Variants in SPIRE1 observed in about 807,000 individuals in gnomAD.
SPIRE1 encodes protein spire homolog 1.
SPIRE1 carries 40 observed loss-of-function variants against 94.1 expected under a neutral mutation model. That is an observed-to-expected ratio of 0.43 (90% CI 0.33 to 0.55). The LOEUF (loss-of-function observed/expected upper bound fraction) is 0.55, where lower values mean the gene tolerates loss of function less well. Among genes scored for constraint, SPIRE1 ranks in the 20% least tolerant of loss-of-function variants. The pLI is 0.06. For missense variants in SPIRE1, 838 were observed against 975.2 expected, an observed-to-expected ratio of 0.86 and a Z score of 1.87; for synonymous variants, 376 against 371.7, an observed-to-expected ratio of 1.01 and a Z score of -0.13.
intron 3 of SPIRE1, among the ~76,000 whole-genome samples, chr18:12,536,093 G>C (rs890153156): frequency 6.6e-6 from 1 of 152,134 alleles, no homozygotes; most frequent in African/African-American, 2.4e-5. Context: ...TACGGGAAAA[G>C]TGGTCCACTA....
At chr18:12,661,048 C>T (rs2038687098), upstream of SPIRE1, among the ~76,000 whole-genome samples, 1 of 152,236 alleles carries the variant, frequency 6.6e-6, no homozygotes, top group South Asian at 2.1e-4. Flanking sequence ...TGGCTCACGC[C>T]TGTAATCCCA....
chr18:12,661,597 C>T (rs2038695944), upstream of SPIRE1, among the ~76,000 whole-genome samples: 1 of 151,886 alleles, frequency 6.6e-6, no homozygotes, highest in African/African-American at 2.4e-5. Flanking sequence ...CATGGTGAAA[C>T]CTCGTCTCTA....
intron 10 of SPIRE1, among the ~76,000 whole-genome samples, chr18:12,468,618 T>C (rs1293218486): frequency 6.6e-6 from 1 of 152,238 alleles, no homozygotes; most frequent in Non-Finnish European, 1.5e-5. Flanking sequence ...GGCTTCACTA[T>C]GCCCAAATGA....
At chr18:12,509,887 T>C (rs1785350) in intron 5 of SPIRE1, among the ~76,000 whole-genome samples, 114,999 of 151,590 alleles carry the variant, frequency 0.76, 44,074 homozygotes, top group African/African-American at 0.88. Context: ...GAGTACGAGA[T>C]CAGCCTGACC....
intron 5 of SPIRE1, among the ~76,000 whole-genome samples, chr18:12,508,239 T>TA (rs2033905916): frequency 1.3e-5 from 2 of 152,210 alleles, no homozygotes; most frequent in South Asian, 4.1e-4. Flanking sequence ...AAGAATCTTC[T>TA]ATGTAAAATA....
At chr18:12,636,948 G>T (rs1475460963) in intron 1 of SPIRE1, among the ~76,000 whole-genome samples, 2 of 152,156 alleles carry the variant, frequency 1.3e-5, no homozygotes, top group African/African-American at 2.4e-5. Flanking sequence ...CTCAAGGAAG[G>T]GTACAGACTG....
chr18:12,611,257 T>C (rs1342231100), intron 2 of SPIRE1, among the ~76,000 whole-genome samples: 1 of 152,206 alleles, frequency 6.6e-6, no homozygotes, highest in Non-Finnish European at 1.5e-5. Flanking sequence ...TTCAGGTTCT[T>C]ATGCAGTCCC....
intron 10 of SPIRE1, among the ~76,000 whole-genome samples, chr18:12,476,369 T>C (rs574029442): frequency 4.1e-4 from 62 of 151,386 alleles, no homozygotes; most frequent in African/African-American, 1.4e-3. Context: ...TGAAACCCCA[T>C]CTCTAATAAA....
chr18:12,559,741 T>C lies in SPIRE1; in HGVS notation c.373-12837A>G, dbSNP rs901199772. Among the ~76,000 whole-genome samples the C allele has an allele frequency of 2.6e-5, 4 of 152,084 alleles. No homozygotes were observed. The highest frequency in any genetic ancestry group is 9.7e-5 in the African/African-American group (4 of 41,402). Reference sequence around the variant, plus strand: ...CAGGCACAGGGAACCAAAGCAAAAATTGACAAATGGGATCACATGAAGTTA... The same window carrying C: ...CAGGCACAGGGAACCAAAGCAAAAACTGACAAATGGGATCACATGAAGTTA... On this transcript the variant is annotated intron_variant, in intron 2 of 16. Transcript: ENST00000409402. This position sits in a 1 kb window ranked among gnomAD's most constrained non-coding sequence, Gnocchi z 4.7.
At chr18:12,658,120 C>T (rs1312490084), upstream of SPIRE1, 1 of 967,500 alleles carries the variant, frequency 1.0e-6, no homozygotes, top group Non-Finnish European at 1.2e-6. Flanking sequence ...CGCCCCGCCC[C>T]GCCCCGCCCC....
chr18:12,631,547 A>AC (rs1491075091), intron 2 of SPIRE1, among the ~76,000 whole-genome samples: 4 of 70,508 alleles, frequency 5.7e-5, no homozygotes, highest in African/African-American at 1.8e-4. Flanking sequence ...CCCCATCTCT[A>AC]CAAAAAAAAA....
At chr18:12,601,861 T>C (rs2036844354) in intron 2 of SPIRE1, among the ~76,000 whole-genome samples, 1 of 152,152 alleles carries the variant, frequency 6.6e-6, no homozygotes, top group African/African-American at 2.4e-5. Context: ...TCAGGCTTTG[T>C]ATGCTTCCTT....
chr18:12,652,235 T>C (rs867658329), intron 1 of SPIRE1, among the ~76,000 whole-genome samples: 28 of 149,742 alleles, frequency 1.9e-4, no homozygotes, highest in African/African-American at 6.6e-4. Flanking sequence ...AGACCCTGTA[T>C]ACCAAAATGT....
At chr18:12,533,899 T>C (rs2034762122) in intron 4 of SPIRE1, among the ~76,000 whole-genome samples, 2 of 151,452 alleles carry the variant, frequency 1.3e-5, no homozygotes, top group African/African-American at 4.9e-5. Context: ...TCCCACTTCC[T>C]CTGGTTCTGC....
chr18:12,506,452 C>T (rs201133409), intron 6 of SPIRE1, 25 bp downstream of exon 6: 642 of 1,611,638 alleles, frequency 4.0e-4, no homozygotes, highest in Non-Finnish European at 5.1e-4. Flanking sequence ...AGCCACATGC[C>T]CGGCCTGACA....
rs910849584 is a variant in SPIRE1 at position 12,605,421 on chromosome 18, G to A, written c.372+29641C>T. ...CTCAGGAGGCTGAGGCAGGGGAATC[G>A]CTTGAACCCGGCAGGCGGAGGTCGC... is the stretch of plus-strand genomic sequence containing the variant. On this transcript the variant is annotated intron_variant, in intron 2 of 16. Transcript: ENST00000409402. Among the ~76,000 whole-genome samples the A allele has an allele frequency of 2.1e-4, 32 of 152,152 alleles. 1 individual carries two copies. Among genetic ancestry groups the A allele is most frequent in the African/African-American group, 7.5e-4 (31 of 41,442 alleles).
At chr18:12,615,822 A>C (rs1043507946) in intron 2 of SPIRE1, among the ~76,000 whole-genome samples, 1 of 151,922 alleles carries the variant, frequency 6.6e-6, no homozygotes, top group Non-Finnish European at 1.5e-5. Flanking sequence ...TTAAAGGAAT[A>C]AAATAAAAGA....
chr18:12,509,800 C>T (rs1000479458), intron 5 of SPIRE1, among the ~76,000 whole-genome samples: 1 of 151,902 alleles, frequency 6.6e-6, no homozygotes, highest in African/African-American at 2.4e-5. Context: ...CAGTACATAC[C>T]AGCTGGGTGC....
rs55915333 is a variant in SPIRE1, at chr18:12,626,886, A to ATATATATATATATATATT, written c.372+8175_372+8176insAATATATATATATATATA. ...CTGTAAAATATATATATATATATAT[A>ATATATATATATATATATT]TTTTTTTTTTTTTTTTGCCCAGAGG... On this transcript the variant is annotated intron_variant, in intron 2 of 16. Transcript: ENST00000409402. Among the ~76,000 whole-genome samples, 542 of 111,780 alleles carry ATATATATATATATATATT rather than the reference A, an allele frequency of 4.8e-3. 4 individuals carry two copies. Among genetic ancestry groups the ATATATATATATATATATT allele is most frequent in the Middle Eastern group, 8.2e-3 (1 of 122 alleles). 73.3% of individuals were successfully genotyped at this position (111,780 alleles called of 152,430 possible).
Sources: allele counts gnomAD v4.1 joint callset (sites outside exome capture counted in the v4.1 genomes callset), GRCh38; gene constraint gnomAD v4.1.1; non-coding constraint Gnocchi (gnomAD v3.1); transcripts MANE v1.5; gene names NCBI Gene and HGNC (gene_info 2026-07-23, HGNC 2026-07-21).